The following ANKRD33B variants were observed in gnomAD, a reference collection of about 807,000 sequenced individuals.
ANKRD33B encodes ankyrin repeat domain 33B.
ANKRD33B carries 6 observed loss-of-function variants against 21.5 expected under a neutral mutation model. The ratio of observed to expected loss-of-function variants is 0.28; its 90% CI spans 0.15 to 0.55. The LOEUF is 0.55. Among genes scored for constraint, ANKRD33B ranks in the 20% least tolerant of loss-of-function variants. ANKRD33B has a pLI of 0.94. For missense variants in ANKRD33B, 698 were observed against 747.2 expected, an observed-to-expected ratio of 0.93 and a Z score of 0.77; for synonymous variants, 347 against 342.4, an observed-to-expected ratio of 1.01 and a Z score of -0.15.
rs193038501 is a variant in ANKRD33B at position 10,587,661 on chromosome 5, G to A, written c.366+22828G>A. Among the ~76,000 whole-genome samples, 13 of 151,830 alleles carry A rather than the reference G, an allele frequency of 8.6e-5. No individual in the cohort carries two copies. The East Asian group carries it at 2.1e-3, about 25-fold the overall frequency. The stretch of plus-strand genomic sequence containing the variant: ...GGAGCTAATGATAGTGAATTTTTCG[G>A]TGTTCTTTTCTGACTTGTGCTGTGA... On this transcript the variant is annotated intron_variant, in intron 1 of 3. Transcript: ENST00000296657.
At chr5:10,577,341 G>A (rs1317354326) in intron 1 of ANKRD33B, among the ~76,000 whole-genome samples, 1 of 152,170 alleles carries the variant, frequency 6.6e-6, no homozygotes, top group African/African-American at 2.4e-5. Flanking sequence ...TGTTGGTCAG[G>A]CATGTCTCGA....
At chr5:10,587,568 G>C (rs1338639681) in intron 1 of ANKRD33B, among the ~76,000 whole-genome samples, 1 of 144,464 alleles carries the variant, frequency 6.9e-6, no homozygotes, top group African/African-American at 2.5e-5. Context: ...TTTTGGTGTG[G>C]AAAATGAAAA....
At position 10,618,474 on chromosome 5, in the gene ANKRD33B, C is replaced by T. The variant is rs1403612343; in HGVS notation, c.496+12C>T. The T allele has an allele frequency of 2.6e-6, 4 of 1,516,470 alleles. No homozygotes were observed. The highest frequency in any genetic ancestry group is 3.5e-6 in the Non-Finnish European group (4 of 1,134,998). 93.9% of individuals were successfully genotyped at this position (1,516,470 alleles called of 1,614,324 possible). On this transcript the variant is annotated intron_variant, in intron 2 of 3. Transcript: ENST00000296657. The stretch of plus-strand genomic sequence containing the variant: ...AGCTGCACAGGCAGGTAAGAGCTGG[C>T]TTTCCCCTTTCCTCTCAGAGCCGTG...
At chr5:10,574,905 CTT>C (rs1735284214) in intron 1 of ANKRD33B, among the ~76,000 whole-genome samples, 1 of 25,980 alleles carries the variant, frequency 3.8e-5, no homozygotes, top group African/African-American at 6.9e-5. Context: ...CATAGCAAGA[CTT>C]TGTCTCTACA....
intron 2 of ANKRD33B, among the ~76,000 whole-genome samples, chr5:10,633,486 T>C (rs1236031284): frequency 6.6e-6 from 1 of 152,258 alleles, no homozygotes; most frequent in Non-Finnish European, 1.5e-5. Flanking sequence ...AGAATGCCTG[T>C]GTGCCTCACA....
chr5:10,656,299 T>G lies in ANKRD33B; in HGVS notation c.*6186T>G, dbSNP rs962421414. On this transcript the variant is annotated 3_prime_UTR_variant, in exon 4 of 4. Coordinates refer to ENST00000296657, the MANE Select transcript of ANKRD33B (RefSeq NM_001164440.2). ...CAAGCGACTCAGCTGAAAGCCGGTG[T>G]TGCATACACAATTTCCTCACGCTGA... The G allele has an allele frequency of 2.6e-5, 4 of 152,520 alleles. No individual in the cohort carries two copies. In the East Asian group the frequency reaches 7.5e-4, roughly 29 times the overall value. The allele number at this position is 152,520 out of a possible 1,614,324, so 9.4% of individuals were successfully genotyped here. A position where few individuals can be genotyped will look rare whatever the true frequency, so the allele number is the denominator to read the frequency against.
intron 3 of ANKRD33B, among the ~76,000 whole-genome samples, chr5:10,638,964 A>G (rs146234012): frequency 0.31 from 14,369 of 45,902 alleles, 1,229 homozygotes; most frequent in Middle Eastern, 0.38. Flanking sequence ...GCGGAGTTGC[A>G]CGGCGATGTT....
At chr5:10,628,633 T>A (rs1310505249) in intron 2 of ANKRD33B, among the ~76,000 whole-genome samples, 1 of 152,204 alleles carries the variant, frequency 6.6e-6, no homozygotes, top group Non-Finnish European at 1.5e-5. Flanking sequence ...CGAGCCACCT[T>A]GCCCACCCTG....
At chr5:10,632,422 T>A (rs1324360794) in intron 2 of ANKRD33B, among the ~76,000 whole-genome samples, 2 of 152,136 alleles carry the variant, frequency 1.3e-5, no homozygotes, top group African/African-American at 4.8e-5. Context: ...GGTGTCCACC[T>A]CTTTGTGTCC....
In ANKRD33B at chr5:10,638,089, G is replaced by A; in HGVS notation, c.558G>A (p.Arg186=). 1 of 1,537,520 alleles carries A rather than the reference G, an allele frequency of 6.5e-7. No individual in the cohort carries two copies. The highest frequency in any genetic ancestry group is 8.7e-7 in the Non-Finnish European group (1 of 1,146,948). Residue 186 remains arginine (R), a synonymous_variant, in exon 3 of 4, where the codon AGG becomes AGA. Transcript: ENST00000296657. ...TCCCTGGTCTTGACCTTGAAAGGAG[G>A]AACGCGTTCGGGTTCACCGCCCTGA... ...NYFPGLDLER[R]NAFGFTALMK... is the part of the protein sequence containing the mutation.
chr5:10,647,851 G>A (rs1481906180), intron 3 of ANKRD33B, among the ~76,000 whole-genome samples: 4 of 152,228 alleles, frequency 2.6e-5, no homozygotes, highest in Non-Finnish European at 5.9e-5. Context: ...CCCGCATTAT[G>A]AAGGGTAATC....
chr5:10,593,097 T>A (rs1220800104), intron 1 of ANKRD33B, among the ~76,000 whole-genome samples: 2 of 152,148 alleles, frequency 1.3e-5, no homozygotes, highest in Non-Finnish European at 2.9e-5. Flanking sequence ...ACGAGACTAG[T>A]AACATTTTCT....
chr5:10,594,547 T>G (rs750862954), intron 1 of ANKRD33B, among the ~76,000 whole-genome samples: 1 of 152,108 alleles, frequency 6.6e-6, no homozygotes, highest in Non-Finnish European at 1.5e-5. Flanking sequence ...TACTTGTTAT[T>G]CCCTTCGTGC....
intron 1 of ANKRD33B, among the ~76,000 whole-genome samples, chr5:10,587,510 G>GTTTT (rs1735591556): frequency 6.7e-6 from 1 of 149,488 alleles, no homozygotes; most frequent in Non-Finnish European, 1.5e-5. Flanking sequence ...ACATTGAATA[G>GTTTT]TAATATTTAT....
intron 1 of ANKRD33B, among the ~76,000 whole-genome samples, chr5:10,597,832 CA>C (rs1247040375): frequency 1.3e-5 from 2 of 152,206 alleles, no homozygotes; most frequent in African/African-American, 4.8e-5. Context: ...TCATAACAAA[CA>C]GTCTCTCAGA....
rs931042637 is a variant in ANKRD33B, at chr5:10,649,687, C to A, written c.1059C>A (p.Gly353=). 1.3e-6 allele frequency: 2 copies of A among 1,520,490 alleles called. No individual in the cohort carries two copies. Among genetic ancestry groups the A allele is most frequent in the Admixed American group, 4.0e-5 (2 of 50,044 alleles). The allele number at this position is 1,520,490 out of a possible 1,614,324, so 94.2% of individuals were successfully genotyped here. The change falls in exon 4 of 4, where the codon GGC becomes GGA. Residue 353 remains glycine (G), a synonymous_variant. Coordinates refer to ENST00000296657, the MANE Select transcript of ANKRD33B (RefSeq NM_001164440.2). ...TCCTGGCGGCGCGGGCTGCACGGGG[C>A]CCCCAGGCGCAGGAGGAGGATGAGG... The part of the protein sequence containing the change: ...QEILAARAAR[G]PQAQEEDEVG...
At chr5:10,629,136 TC>T (rs1736647054) in intron 2 of ANKRD33B, among the ~76,000 whole-genome samples, 1 of 152,048 alleles carries the variant, frequency 6.6e-6, no homozygotes, top group African/African-American at 2.4e-5. Context: ...GTGGGGATGG[TC>T]AGAGGCCCCT....
intron 3 of ANKRD33B, among the ~76,000 whole-genome samples, chr5:10,644,544 G>T (rs1737145631): frequency 6.6e-6 from 1 of 152,176 alleles, no homozygotes; most frequent in Non-Finnish European, 1.5e-5. Flanking sequence ...AAATCTTCCT[G>T]TGATTCCAAG....
chr5:10,611,187 GCA>G, intron 1 of ANKRD33B, among the ~76,000 whole-genome samples: 1 of 152,150 alleles, frequency 6.6e-6, no homozygotes, highest in Non-Finnish European at 1.5e-5. Flanking sequence ...GCACAAAAAG[GCA>G]TTTCAACTTT....
Sources: gnomAD v4.1 joint callset for allele counts (sites outside exome capture counted in the v4.1 genomes callset) on GRCh38, gnomAD v4.1.1 for gene constraint, MANE v1.5 for transcripts, NCBI Gene and HGNC (gene_info 2026-07-23, HGNC 2026-07-21) for gene names.